GFM2: variants seen among roughly 807,000 people sequenced by gnomAD.
GFM2 encodes the protein ribosome-releasing factor 2, mitochondrial.
In GFM2, 72 loss-of-function variants were observed where a neutral mutation model predicts 95.4. The observed-to-expected ratio is 0.76, with a 90% CI of 0.62 to 0.92. GFM2 has a LOEUF of 0.92. Among genes scored for constraint, GFM2 ranks in the 40% least tolerant of loss-of-function variants. GFM2 has a pLI of 0.00. For missense variants in GFM2, 825 were observed against 924.1 expected (o/e 0.89, Z 1.39); for synonymous variants, 276 against 317.5 (o/e 0.87, Z 1.39).
intron 1 of GFM2, chr5:74,765,168 T>G (rs1376771368): frequency 9.2e-7 from 1 of 1,081,710 alleles, no homozygotes; most frequent in East Asian, 7.9e-5. Context: ...ATAGACATTT[T>G]CCTCTTCTTT....
intron 5 of GFM2, among the ~76,000 whole-genome samples, chr5:74,756,825 A>G (rs1469897901): frequency 1.3e-5 from 2 of 152,210 alleles, no homozygotes; most frequent in Non-Finnish European, 2.9e-5. Flanking sequence ...CAGGAATGGA[A>G]AACTGACATC....
At chr5:74,756,357 A>T (rs1017969920) in intron 5 of GFM2, among the ~76,000 whole-genome samples, 1 of 152,198 alleles carries the variant, frequency 6.6e-6, no homozygotes, top group Admixed American at 6.5e-5. Context: ...CTCCTGCAAG[A>T]ATGGCCACAA....
At chr5:74,746,677 T>C (rs774644022) in intron 8 of GFM2, among the ~76,000 whole-genome samples, 2 of 152,198 alleles carry the variant, frequency 1.3e-5, no homozygotes, top group Non-Finnish European at 2.9e-5. Flanking sequence ...ACATGCCATC[T>C]TTGGCACACA....
intron 1 of GFM2, among the ~76,000 whole-genome samples, chr5:74,764,191 C>T (rs575642241): frequency 5.9e-5 from 9 of 152,170 alleles, no homozygotes; most frequent in East Asian, 1.9e-4. Context: ...GATTTTCCTA[C>T]CATACCATGT....
At chr5:74,763,468 A>G (rs1251738997) in intron 2 of GFM2, among the ~76,000 whole-genome samples, 1 of 152,214 alleles carries the variant, frequency 6.6e-6, no homozygotes, top group Non-Finnish European at 1.5e-5. Flanking sequence ...ATTTAGCTAC[A>G]GCTGTTCTTT....
intron 16 of GFM2, among the ~76,000 whole-genome samples, chr5:74,732,491 A>T (rs1175576134): frequency 1.3e-5 from 2 of 150,050 alleles, no homozygotes; most frequent in Non-Finnish European, 3.0e-5. Context: ...GAGGATGCAG[A>T]ATGTAATTTA....
Position 74,758,922 on chromosome 5 carries a change from A to C in GFM2, c.231T>G (p.Ala77=). The C allele has an allele frequency of 6.2e-7, 1 of 1,607,616 alleles. No individual in the cohort carries two copies. Among genetic ancestry groups the C allele is most frequent in the Non-Finnish European group, 8.5e-7 (1 of 1,174,168 alleles). ...TGGTAGTTTTGCCTGCATCAATATG[A>C]GCCATAATTCCAATATTACGGATTC... ...IAKIRNIGIM[A]HIDAGKTTTT... The change falls in exon 5 of 21, where the codon GCT becomes GCG. Residue 77 remains alanine, a synonymous_variant. Transcript: ENST00000296805.
rs10515191 is a variant in GFM2, at chr5:74,758,770, A to G, written c.304+79T>C. The G allele has an allele frequency of 0.26, 222,117 of 844,292 alleles. 35,855 individuals are homozygous for G. Among genetic ancestry groups the G allele is most frequent in the African/African-American group, 0.68 (40,784 of 60,064 alleles). 52.3% of individuals were successfully genotyped at this position (844,292 alleles called of 1,614,324 possible). A position where few individuals can be genotyped will look rare whatever the true frequency, so the allele number is the denominator to read the frequency against. On this transcript the variant is annotated intron_variant, in intron 5 of 20. Transcript: ENST00000296805. Reference sequence around the variant, plus strand: ...CTCTATGCCATATTCAAGGTGTGTAAGTTGACTTGTTAACCAAAATATTTT... The same window carrying G: ...CTCTATGCCATATTCAAGGTGTGTAGGTTGACTTGTTAACCAAAATATTTT...
chr5:74,741,447 A>T (rs76511876), intron 11 of GFM2, 82 bp downstream of exon 11: 1 of 674,904 alleles, frequency 1.5e-6, no homozygotes, highest in Non-Finnish European at 2.6e-6. Context: ...TAAAAAAAAA[A>T]TGCACACACA....
chr5:74,725,807 G>A (rs935125008), intron 18 of GFM2, 52 bp from the exon 19 acceptor site: 1 of 1,475,430 alleles, frequency 6.8e-7, no homozygotes, highest in African/African-American at 1.4e-5. Flanking sequence ...GAAGTGAGAA[G>A]TAACTGAGAA....
intron 7 of GFM2, among the ~76,000 whole-genome samples, chr5:74,748,022 T>C (rs1234565091): frequency 2.6e-5 from 4 of 152,206 alleles, no homozygotes; most frequent in Admixed American, 2.6e-4. Flanking sequence ...CTGGGTGAAC[T>C]AGGTGGCCAC....
chr5:74,752,857 G>A (rs1743787025), intron 5 of GFM2, among the ~76,000 whole-genome samples: 1 of 152,146 alleles, frequency 6.6e-6, no homozygotes, highest in African/African-American at 2.4e-5. Flanking sequence ...AGGGGAAGGA[G>A]GAGAGCCCCA....
chr5:74,722,887 A>C (rs1749978885), intron 19 of GFM2, among the ~76,000 whole-genome samples: 1 of 152,130 alleles, frequency 6.6e-6, no homozygotes. Context: ...CTATAATTAC[A>C]GTCCATGCCA....
intron 5 of GFM2, among the ~76,000 whole-genome samples, chr5:74,754,316 A>C (rs1251460983): frequency 3.3e-5 from 5 of 152,048 alleles, no homozygotes; most frequent in East Asian, 1.9e-4. Flanking sequence ...AAAAAAAAAA[A>C]AAAAACAAGG....
chr5:74,760,695 G>C (rs1361469727), intron 3 of GFM2, among the ~76,000 whole-genome samples: 1 of 152,152 alleles, frequency 6.6e-6, no homozygotes, highest in Non-Finnish European at 1.5e-5. Flanking sequence ...CAGTTCATCA[G>C]CGTGTTCCTC....
chr5:74,746,234 GA>G (rs1406058027), intron 8 of GFM2, 69 bp from the exon 9 acceptor site: 8 of 773,908 alleles, frequency 1.0e-5, no homozygotes, highest in Admixed American at 7.6e-5. Flanking sequence ...ATCAAGAGAG[GA>G]AAAAAAACTC....
chr5:74,745,895 A>G (rs928515434), intron 9 of GFM2, 38 bp from the exon 10 acceptor site: 2 of 1,510,006 alleles, frequency 1.3e-6, no homozygotes, highest in Non-Finnish European at 1.8e-6. Flanking sequence ...TTACATGATC[A>G]CTCACTGAAA....
At chr5:74,754,351 T>C (rs557644798) in intron 5 of GFM2, among the ~76,000 whole-genome samples, 3 of 142,166 alleles carry the variant, frequency 2.1e-5, no homozygotes, top group South Asian at 2.3e-4. Context: ...ATAGTGACAA[T>C]AGTACCTCAC....
chr5:74,760,471 G>A (rs1744221969), intron 3 of GFM2, among the ~76,000 whole-genome samples: 1 of 152,158 alleles, frequency 6.6e-6, no homozygotes, highest in African/African-American at 2.4e-5. Flanking sequence ...AGCTTCTGAT[G>A]CCATGTATCT....
Sources: gnomAD v4.1 joint callset for allele counts (sites outside exome capture counted in the v4.1 genomes callset) on GRCh38, gnomAD v4.1.1 for gene constraint, MANE v1.5 for transcripts, NCBI Gene and HGNC (gene_info 2026-07-23, HGNC 2026-07-21) for gene names.